Variants in CNTNAP2 observed in about 807,000 individuals in gnomAD.
The protein encoded by CNTNAP2 is contactin-associated protein-like 2.
CNTNAP2 carries 98 observed loss-of-function variants against 155.2 expected under a neutral mutation model. The observed-to-expected ratio is 0.63, with a 90% CI of 0.54 to 0.75. The LOEUF is 0.75. CNTNAP2 is among the 30% of genes least tolerant of loss of function. CNTNAP2 has a pLI of 0.00. For missense variants in CNTNAP2, 1,727 were observed against 1,688.1 expected (o/e 1.02, Z -0.40); for synonymous variants, 651 against 631.2 (o/e 1.03, Z -0.47).
chr7:147,893,212 C>T (rs1420749809), intron 13 of CNTNAP2, among the ~76,000 whole-genome samples: 1 of 151,960 alleles, frequency 6.6e-6, no homozygotes, highest in Admixed American at 6.6e-5. Context: ...TATGAGAATG[C>T]CAATACATGA....
chr7:146,957,350 T>C (rs1253786329), intron 3 of CNTNAP2, among the ~76,000 whole-genome samples: 6 of 152,150 alleles, frequency 3.9e-5, no homozygotes, highest in Non-Finnish European at 7.4e-5. Context: ...CCCTATAATC[T>C]ATGGAATCAC....
chr7:148,418,391 A>C lies in CNTNAP2; in HGVS notation c.*2775A>C, dbSNP rs747873417. Reference sequence around the variant, plus strand: ...TTACATTCCAATACATTATCAAGCAAGCACAAGTATGCTGGTAGTAGCCTC... The same window carrying C: ...TTACATTCCAATACATTATCAAGCACGCACAAGTATGCTGGTAGTAGCCTC... On this transcript the variant is annotated 3_prime_UTR_variant, in exon 24 of 24. Coordinates refer to ENST00000361727, the MANE Select transcript of CNTNAP2 (RefSeq NM_014141.6). 3.3e-5 allele frequency: 5 copies of C among 152,234 alleles called. No homozygotes were observed. Among genetic ancestry groups the C allele is most frequent in the African/African-American group, 7.2e-5 (3 of 41,460 alleles). The allele number at this position is 152,234 out of a possible 1,614,324, so 9.4% of individuals were successfully genotyped here.
chr7:147,375,161 A>C (rs568972606), intron 9 of CNTNAP2, among the ~76,000 whole-genome samples: 38 of 152,048 alleles, frequency 2.5e-4, no homozygotes, highest in African/African-American at 8.4e-4. Context: ...GTGGAACTGT[A>C]AGTCAATTAA....
At chr7:146,732,255 C>T (rs951223366) in intron 1 of CNTNAP2, among the ~76,000 whole-genome samples, 7 of 152,018 alleles carry the variant, frequency 4.6e-5, no homozygotes, top group African/African-American at 1.4e-4. Flanking sequence ...TTTATAAAGC[C>T]GATGACATAA....
At chr7:147,256,544 A>T (rs1804332809) in intron 8 of CNTNAP2, among the ~76,000 whole-genome samples, 1 of 152,190 alleles carries the variant, frequency 6.6e-6, no homozygotes, top group African/African-American at 2.4e-5. Flanking sequence ...TTGAGTCAAG[A>T]GTGATAGCCT....
At chr7:147,956,793 T>A (rs553136000) in intron 14 of CNTNAP2, among the ~76,000 whole-genome samples, 1 of 152,256 alleles carries the variant, frequency 6.6e-6, no homozygotes, top group African/African-American at 2.4e-5. Flanking sequence ...TTTTCTTTTC[T>A]TTTCTAGAAA....
At chr7:146,815,123 A>G in intron 2 of CNTNAP2, among the ~76,000 whole-genome samples, 1 of 152,162 alleles carries the variant, frequency 6.6e-6, no homozygotes, top group East Asian at 1.9e-4. Flanking sequence ...GCTTTTCACC[A>G]TGAATTAGTG....
At chr7:147,526,466 C>T (rs905603639) in intron 11 of CNTNAP2, among the ~76,000 whole-genome samples, 3 of 151,950 alleles carry the variant, frequency 2.0e-5, no homozygotes, top group African/African-American at 4.8e-5. Flanking sequence ...AAGTTTTACT[C>T]GTGAGGATTA....
intron 12 of CNTNAP2, among the ~76,000 whole-genome samples, chr7:147,602,477 A>G (rs1220254922): frequency 7.3e-6 from 1 of 136,950 alleles, no homozygotes; most frequent in Non-Finnish European, 1.5e-5. Flanking sequence ...TACATTCATC[A>G]GTTCATCCTA....
intron 6 of CNTNAP2, among the ~76,000 whole-genome samples, chr7:147,126,422 A>G (rs762127251): frequency 1.1e-4 from 16 of 152,214 alleles, no homozygotes; most frequent in Non-Finnish European, 1.5e-4. Context: ...TTAAAGTGTC[A>G]GAAAATATTC....
chr7:148,136,013 A>AAGGT (rs1804936559), intron 16 of CNTNAP2, among the ~76,000 whole-genome samples: 1 of 36,962 alleles, frequency 2.7e-5, no homozygotes, highest in African/African-American at 1.2e-4. Context: ...GGAAGGAAGG[A>AAGGT]AGGAAGGGAG....
intron 21 of CNTNAP2, among the ~76,000 whole-genome samples, chr7:148,336,557 A>AAAAC (rs1323861452): frequency 6.6e-6 from 1 of 152,118 alleles, no homozygotes; most frequent in Admixed American, 6.5e-5. Context: ...AAAGAAAAAA[A>AAAAC]AAAAAGCCAA....
intron 1 of CNTNAP2, among the ~76,000 whole-genome samples, chr7:146,369,668 G>A (rs1177729896): frequency 6.6e-6 from 1 of 152,094 alleles, no homozygotes; most frequent in Non-Finnish European, 1.5e-5. Context: ...GGAACACTGA[G>A]CATATGTTTA....
At chr7:147,597,268 T>A (rs1171246663) in intron 12 of CNTNAP2, among the ~76,000 whole-genome samples, 6 of 152,078 alleles carry the variant, frequency 3.9e-5, no homozygotes, top group Admixed American at 3.3e-4. Context: ...ATTTGTACCA[T>A]CTCTTCCTTC....
At chr7:146,790,715 T>G (rs796168778) in intron 2 of CNTNAP2, among the ~76,000 whole-genome samples, 94 of 151,960 alleles carry the variant, frequency 6.2e-4, no homozygotes, top group African/African-American at 2.1e-3. Context: ...GACTACAGGC[T>G]CCCGCCACCA....
At chr7:146,931,464 A>C (rs1796756224) in intron 3 of CNTNAP2, among the ~76,000 whole-genome samples, 1 of 149,356 alleles carries the variant, frequency 6.7e-6, no homozygotes, top group South Asian at 2.1e-4. Flanking sequence ...TATAGCACTA[A>C]ATGCCCACAA....
At chr7:147,465,815 C>CA (rs1176970610) in intron 10 of CNTNAP2, among the ~76,000 whole-genome samples, 2 of 152,260 alleles carry the variant, frequency 1.3e-5, no homozygotes, top group Non-Finnish European at 2.9e-5. Flanking sequence ...TTCCCTGGTG[C>CA]AGTTCTTCCC....
At chr7:147,725,707 CG>C (rs2116456689) in intron 13 of CNTNAP2, among the ~76,000 whole-genome samples, 1 of 152,164 alleles carries the variant, frequency 6.6e-6, no homozygotes, top group East Asian at 1.9e-4. Flanking sequence ...AATTGCTTTT[CG>C]GGTAAAGGTC....
At chr7:148,172,200 G>A (rs770972949) in intron 17 of CNTNAP2, 42 bp from the exon 18 acceptor site, 1 of 1,585,780 alleles carries the variant, frequency 6.3e-7, no homozygotes, top group Non-Finnish European at 8.6e-7. Context: ...AGCAATAGCA[G>A]AGGTTATTCC....
Sources: allele counts gnomAD v4.1 joint callset (sites outside exome capture counted in the v4.1 genomes callset), GRCh38; gene constraint gnomAD v4.1.1; transcripts MANE v1.5; gene names NCBI Gene and HGNC (gene_info 2026-07-23, HGNC 2026-07-21).